CEACAM18: variants seen among roughly 807,000 people sequenced by gnomAD.
The protein encoded by CEACAM18 is cell adhesion molecule CEACAM18.
In CEACAM18, 33 loss-of-function variants were observed where a neutral mutation model predicts 34.3. The observed-to-expected ratio is 0.96, with a 90% CI of 0.73 to 1.29. The LOEUF (loss-of-function observed/expected upper bound fraction) is 1.29, where lower values mean the gene tolerates loss of function less well. CEACAM18 is among the 50% of genes most tolerant of loss of function. The probability of loss-of-function intolerance (pLI) is 0.00; values close to 1 mark genes in which losing one functional copy is unlikely to be tolerated. For synonymous variants in CEACAM18, 169 were observed against 180.9 expected, an observed-to-expected ratio of 0.93 and a Z score of 0.53; for missense variants, 474 against 485.0, an observed-to-expected ratio of 0.98 and a Z score of 0.21.
intron 1 of CEACAM18, among the ~76,000 whole-genome samples, chr19:51,480,037 G>T (rs1989882331): frequency 6.6e-6 from 1 of 152,184 alleles, no homozygotes; most frequent in African/African-American, 2.4e-5. Context: ...GAGGAGAACA[G>T]GGTCGCAACT....
intron 4 of CEACAM18, 111 bp downstream of exon 4, chr19:51,483,407 T>G (rs1386676248): frequency 2.3e-6 from 3 of 1,323,508 alleles, no homozygotes; most frequent in Non-Finnish European, 3.2e-6. Context: ...TGACATGCTC[T>G]CAACCTCTGG....
Position 51,482,896 on chromosome 19 carries a change from G to T in CEACAM18, c.674-121G>T, listed in dbSNP as rs1369766053. ...TGTTGACACAGCTGCCTTGCCTGGGGCAGGTCTAGGGGTTAGCCCGAGGTG... is the reference window on the plus strand; with the variant it reads ...TGTTGACACAGCTGCCTTGCCTGGGTCAGGTCTAGGGGTTAGCCCGAGGTG... On this transcript the variant is annotated intron_variant, in intron 3 of 5. Transcript: ENST00000396477. 6.4e-6 allele frequency: 7 copies of T among 1,101,360 alleles called. No individual in the cohort carries two copies. In the East Asian group the frequency reaches 1.7e-4, roughly 26 times the overall value. The allele number at this position is 1,101,360 out of a possible 1,614,324, so 68.2% of individuals were successfully genotyped here.
intron 5 of CEACAM18, among the ~76,000 whole-genome samples, chr19:51,485,481 A>G (rs1431759435): frequency 6.6e-6 from 1 of 152,190 alleles, no homozygotes; most frequent in African/African-American, 2.4e-5. Context: ...GAAGTTGGGG[A>G]AACAGGTATC....
exon 6 of CEACAM18, chr19:51,490,662 G>A (rs1990074893): frequency 2.4e-6 from 3 of 1,225,286 alleles, no homozygotes; most frequent in Non-Finnish European, 3.1e-6. Flanking sequence ...AGGAGAGGGT[G>A]ATGGAGAAGG....
exon 5 of CEACAM18, chr19:51,485,112 T>C (rs1314442111): frequency 1.3e-6 from 2 of 1,516,486 alleles, no homozygotes; most frequent in Non-Finnish European, 1.8e-6. Flanking sequence ...GATCAACCAC[T>C]ACTCAATCAG....
At chr19:51,482,705 A>T (rs1989936776) in intron 3 of CEACAM18, among the ~76,000 whole-genome samples, 2 of 152,232 alleles carry the variant, frequency 1.3e-5, no homozygotes, top group African/African-American at 4.8e-5. Context: ...TTGTTCTGGG[A>T]ATTCAACAAA....
intron 1 of CEACAM18, among the ~76,000 whole-genome samples, chr19:51,479,699 G>C (rs548414144): frequency 6.6e-6 from 1 of 152,182 alleles, no homozygotes; most frequent in Non-Finnish European, 1.5e-5. Flanking sequence ...TCAGCAAGGA[G>C]GGTGCAGATG....
rs769720376 is a variant in CEACAM18 at position 51,481,042 on chromosome 19, GAGT to G, written c.401-346_401-344del. ...TAAAGTGAATGGGACTCAAATAATGGAGTAGTATTGTGTAGCCAAATGCCACCT... is the reference window on the plus strand; with the variant it reads ...TAAAGTGAATGGGACTCAAATAATGGAGTATTGTGTAGCCAAATGCCACCT... On this transcript the variant is annotated intron_variant, in intron 2 of 5. Coordinates refer to ENST00000396477, the Ensembl canonical transcript of CEACAM18. Among the ~76,000 whole-genome samples, 93 of 152,194 alleles carry G rather than the reference GAGT, an allele frequency of 6.1e-4. 1 individual carries two copies. The highest frequency in any genetic ancestry group is 1.2e-3 in the Non-Finnish European group (80 of 68,032).
chr19:51,479,586 G>C (rs762584559), intron 1 of CEACAM18, among the ~76,000 whole-genome samples: 1 of 152,146 alleles, frequency 6.6e-6, no homozygotes, highest in African/African-American at 2.4e-5. Flanking sequence ...GGCTGGGATG[G>C]GGGGAGCCCA....
intron 5 of CEACAM18, among the ~76,000 whole-genome samples, chr19:51,486,184 T>C (rs1015293365): frequency 6.6e-6 from 1 of 152,078 alleles, no homozygotes; most frequent in Non-Finnish European, 1.5e-5. Flanking sequence ...GTAGTGTTGC[T>C]AGTGATGGTG....
intron 1 of CEACAM18, among the ~76,000 whole-genome samples, chr19:51,479,860 T>C (rs1346749872): frequency 2.0e-5 from 3 of 152,122 alleles, no homozygotes; most frequent in Non-Finnish European, 2.9e-5. Flanking sequence ...ACTACAGGAA[T>C]AAATGAGTAA....
At position 51,480,692 on chromosome 19, in the gene CEACAM18, G is replaced by A. The variant is rs758307640; in HGVS notation, c.400+12G>A. 2.5e-6 allele frequency: 4 copies of A among 1,601,588 alleles called. No homozygotes were observed. In the Admixed American group the frequency reaches 6.8e-5, roughly 27 times the overall value. On this transcript the variant is annotated intron_variant, in intron 2 of 5. Coordinates refer to ENST00000396477, the Ensembl canonical transcript of CEACAM18. The stretch of plus-strand genomic sequence containing the variant: ...GCTGGAGGTTCTAGGTGGGTTAGCA[G>A]GTGCTGTGTTTCCCAACCCCCAAGG...
intron 1 of CEACAM18, among the ~76,000 whole-genome samples, 188 bp from the exon 2 acceptor site, chr19:51,480,145 C>T (rs886874855): frequency 1.3e-5 from 2 of 152,026 alleles, no homozygotes; most frequent in Admixed American, 6.6e-5. Flanking sequence ...TAAAATGGAC[C>T]ACGGCAGGGG....
exon 2 of CEACAM18, chr19:51,480,615 A>G (rs1989897030): frequency 1.2e-6 from 2 of 1,613,784 alleles, no homozygotes; most frequent in Non-Finnish European, 1.7e-6. Flanking sequence ...GACACGGGAA[A>G]CTACACTGTT....
intron 1 of CEACAM18, among the ~76,000 whole-genome samples, chr19:51,478,956 A>ACATG (rs1555774722): frequency 0.15 from 15,147 of 102,388 alleles, 986 homozygotes; most frequent in South Asian, 0.23. Flanking sequence ...ACGCACATGC[A>ACATG]CACACACACA....
In CEACAM18 at chr19:51,487,842, G is replaced by A. The variant is rs560023831; in HGVS notation, c.1089+2720G>A. Among the ~76,000 whole-genome samples, 3 of 152,184 alleles carry A rather than the reference G, an allele frequency of 2.0e-5. No homozygotes were observed. In the South Asian group the frequency reaches 6.2e-4, roughly 32 times the overall value. On this transcript the variant is annotated intron_variant, in intron 5 of 5. Coordinates refer to ENST00000396477, the Ensembl canonical transcript of CEACAM18. ...GCCTGTAACATGAATTAACCAATAT[G>A]GTAGCCACTAGTCATACGTGACTAA... is the stretch of plus-strand genomic sequence containing the variant.
chr19:51,490,383 G>A (rs1990070875), intron 5 of CEACAM18, among the ~76,000 whole-genome samples: 2 of 152,112 alleles, frequency 1.3e-5, no homozygotes, highest in Middle Eastern at 3.4e-3. Context: ...AGTGCCCTCG[G>A]AAATCTTTAA....
At chr19:51,478,576 G>T, upstream of CEACAM18, 1 of 1,407,444 alleles carries the variant, frequency 7.1e-7, no homozygotes, top group Non-Finnish European at 9.9e-7. Flanking sequence ...CACAGGTCTT[G>T]GAGGGAGCAG....
At chr19:51,481,478 T>C (rs748518657) in exon 3 of CEACAM18, 2 of 1,614,012 alleles carry the variant, frequency 1.2e-6, no homozygotes, top group East Asian at 4.5e-5. Context: ...GCCTCACAAA[T>C]GTCACCAACA....
Sources: gnomAD v4.1 joint callset for allele counts (sites outside exome capture counted in the v4.1 genomes callset) on GRCh38, gnomAD v4.1.1 for gene constraint, MANE v1.5 for transcripts, NCBI Gene and HGNC (gene_info 2026-07-23, HGNC 2026-07-21) for gene names.